Variants in CDH26 observed in about 807,000 individuals in gnomAD.
The protein encoded by CDH26 is cadherin-like protein 26.
In CDH26, 83 loss-of-function variants were observed where a neutral mutation model predicts 90.3. The ratio of observed to expected loss-of-function variants is 0.92; its 90% CI spans 0.77 to 1.10. CDH26 has a LOEUF of 1.10. Among genes scored for constraint, CDH26 ranks in the 50% least tolerant of loss-of-function variants. The pLI, the probability that CDH26 is intolerant of heterozygous loss-of-function variation, is 0.00. For synonymous variants in CDH26, 397 were observed against 396.3 expected (o/e 1.00, Z -0.02); for missense variants, 1,013 against 1,037.6 (o/e 0.98, Z 0.33).
downstream of CDH26, among the ~76,000 whole-genome samples, chr20:60,014,816 A>C (rs2061891136): frequency 6.6e-6 from 1 of 152,186 alleles, no homozygotes; most frequent in South Asian, 2.1e-4. Flanking sequence ...ACAAATGCCC[A>C]GTAGTAGGAT....
chr20:60,031,573 G>A, intron 8 of CDH26: 5 of 940,662 alleles, frequency 5.3e-6, no homozygotes, highest in South Asian at 5.6e-5. Flanking sequence ...TCAGATGAAA[G>A]GAGTATGATC....
At chr20:60,023,991 T>TAAC (rs1301322708) in intron 7 of CDH26, among the ~76,000 whole-genome samples, 2 of 144,036 alleles carry the variant, frequency 1.4e-5, no homozygotes, top group Admixed American at 1.4e-4. Context: ...GAGAGAGAAA[T>TAAC]ATCAGCAGAG....
intron 7 of CDH26, among the ~76,000 whole-genome samples, chr20:60,022,270 A>G (rs2061964454): frequency 6.6e-6 from 1 of 152,258 alleles, no homozygotes; most frequent in Non-Finnish European, 1.5e-5. Flanking sequence ...TGAATAAGGC[A>G]ATAAACAGAA....
chr20:60,033,923 G>A, exon 9 of CDH26: 1 of 292,262 alleles, frequency 3.4e-6, no homozygotes, highest in Non-Finnish European at 5.4e-6. Flanking sequence ...TATCCAATAT[G>A]CATGTAAGAA....
chr20:59,963,596 G>A (rs2061106269), intron 1 of CDH26, among the ~76,000 whole-genome samples: 1 of 152,090 alleles, frequency 6.6e-6, no homozygotes, highest in South Asian at 2.1e-4. Context: ...TTAAAATTCA[G>A]TCCTATACTA....
downstream of CDH26, among the ~76,000 whole-genome samples, chr20:60,015,061 C>A (rs183377306): frequency 5.3e-4 from 80 of 152,356 alleles, no homozygotes; most frequent in Non-Finnish European, 2.2e-4. Context: ...CAGCTCACTG[C>A]AACCTCTCCA....
intron 7 of CDH26, among the ~76,000 whole-genome samples, chr20:60,019,845 A>G (rs1174799185): frequency 1.3e-5 from 2 of 152,204 alleles, no homozygotes; most frequent in Non-Finnish European, 2.9e-5. Flanking sequence ...TTTATGGAGT[A>G]GGTTTCATAT....
chr20:60,033,379 C>T (rs758540075), intron 8 of CDH26: 9 of 1,223,674 alleles, frequency 7.4e-6, no homozygotes, highest in Non-Finnish European at 9.5e-6. Flanking sequence ...TTCATGCATA[C>T]ATGCACGTGG....
At position 59,983,017 on chromosome 20, in the gene CDH26, C is replaced by T; in HGVS notation, c.488C>T (p.Pro163Leu). 1 of 1,613,904 alleles carries T rather than the reference C, an allele frequency of 6.2e-7. No homozygotes were observed. Among genetic ancestry groups the T allele is most frequent in the South Asian group, 1.1e-5 (1 of 91,048 alleles). The part of the protein sequence containing the change: ...IRISDVNDHA[P>L]QFPEKEFNIT... The stretch of plus-strand genomic sequence containing the variant: ...ATCAGTGATGTGAATGATCATGCAC[C>T]CCAGTTTCCAGAGAAGGAATTTAAC... The change falls in exon 5 of 18, where the codon CCC becomes CTC. Residue 163 changes from proline (P) to leucine (L), a missense_variant. Physicochemically the swap from Pro to Leu is moderately conservative, Grantham distance 98 (BLOSUM62 -3). Transcript: ENST00000348616.
intron 7 of CDH26, among the ~76,000 whole-genome samples, chr20:59,985,755 A>T (rs1226427167): frequency 2.0e-5 from 3 of 152,230 alleles, no homozygotes; most frequent in South Asian, 2.1e-4. Context: ...GCAGTTCATA[A>T]TGGTCACATG....
In CDH26 at chr20:59,995,940, G is replaced by A. The variant is rs141771925; in HGVS notation, c.1774G>A (p.Val592Ile). The A allele has an allele frequency of 2.2e-4, 362 of 1,614,248 alleles. 1 individual carries two copies. The African/African-American group carries it at 3.9e-3, about 17-fold the overall frequency. ...QGLSQKQTVH[V>I]RICPCASGLT... ...ACTTTCCCAGAAGCAAACTGTCCAT[G>A]TAAGGATCTGCCCCTGTGCCAGTGG... Residue 592 changes from valine (V) to isoleucine (I), a missense_variant, in exon 12 of 18, where the codon GTA (valine) becomes ATA (isoleucine). Transcript: ENST00000348616.
intron 9 of CDH26, among the ~76,000 whole-genome samples, chr20:59,991,887 C>G (rs2061532001): frequency 2.6e-5 from 4 of 152,106 alleles, no homozygotes; most frequent in Admixed American, 2.6e-4. Flanking sequence ...ACAGTGGTGT[C>G]AGGTTCACAT....
chr20:59,967,121 G>A (rs1486475198), intron 1 of CDH26, among the ~76,000 whole-genome samples: 1 of 152,148 alleles, frequency 6.6e-6, no homozygotes, highest in Non-Finnish European at 1.5e-5. Flanking sequence ...ATATAGTGAA[G>A]GTTTAAAAAC....
chr20:60,028,871 A>G (rs1326736548), intron 7 of CDH26, among the ~76,000 whole-genome samples: 1 of 152,228 alleles, frequency 6.6e-6, no homozygotes, highest in Non-Finnish European at 1.5e-5. Flanking sequence ...TCAAACAGGT[A>G]TCTGCACTCT....
rs149914417 is a variant in CDH26 at position 59,985,438 on chromosome 20, G to A, written c.837+309G>A. 4.7e-3 allele frequency among the ~76,000 whole-genome samples: 708 copies of A among 152,218 alleles called. 2 individuals carry two copies. The highest frequency in any genetic ancestry group is 0.01 in the Middle Eastern group (3 of 294). On this transcript the variant is annotated intron_variant, in intron 7 of 17. Transcript: ENST00000348616. ...AGAGCATGCAAGACACGGGAGGTGG[G>A]TGGGGAAGAATGAGGAACGAGAGAG...
intron 4 of CDH26, among the ~76,000 whole-genome samples, chr20:59,977,183 G>A (rs2061337389): frequency 6.6e-6 from 1 of 152,064 alleles, no homozygotes; most frequent in Non-Finnish European, 1.5e-5. Context: ...TGGTGAGTCC[G>A]CCCTGGGCCT....
intron 5 of CDH26, among the ~76,000 whole-genome samples, chr20:59,983,425 G>A (rs2061417991): frequency 6.6e-6 from 1 of 152,120 alleles, no homozygotes; most frequent in South Asian, 2.1e-4. Flanking sequence ...TAGCCTCCGA[G>A]TTACAGATAC....
chr20:60,022,227 C>G (rs1276304777), intron 7 of CDH26, among the ~76,000 whole-genome samples: 1 of 152,086 alleles, frequency 6.6e-6, no homozygotes, highest in Non-Finnish European at 1.5e-5. Flanking sequence ...TTCACATATA[C>G]TCATGAATTA....
rs765806062 is a variant in CDH26 at position 59,958,774 on chromosome 20, G to A, written c.48G>A (p.Val16=). The change falls in exon 1 of 18, where the codon GTG becomes GTA. Residue 16 remains valine, a synonymous_variant. Transcript: ENST00000348616. ...ACCCCTCGCTGCTGCTGCTTCTAGTGCTGCTGCTGTGGCTGCTGCAGGTAA... is the reference window on the plus strand; with the variant it reads ...ACCCCTCGCTGCTGCTGCTTCTAGTACTGCTGCTGTGGCTGCTGCAGGTAA... The part of the protein sequence containing the change: ...GRHPSLLLLL[V]LLLWLLQVSI... The A allele has an allele frequency of 3.1e-6, 5 of 1,613,948 alleles. No individual in the cohort carries two copies. Among genetic ancestry groups the A allele is most frequent in the Non-Finnish European group, 3.4e-6 (4 of 1,179,882 alleles).
Sources: allele counts gnomAD v4.1 joint callset (sites outside exome capture counted in the v4.1 genomes callset), GRCh38; gene constraint gnomAD v4.1.1; transcripts MANE v1.5; gene names NCBI Gene and HGNC (gene_info 2026-07-23, HGNC 2026-07-21).